MERTK: variants seen among roughly 807,000 people sequenced by gnomAD.
MERTK encodes the protein MER proto-oncogene, tyrosine kinase.
MERTK carries 69 observed loss-of-function variants against 99.3 expected under a neutral mutation model. The ratio of observed to expected loss-of-function variants is 0.70; its 90% CI spans 0.57 to 0.85. The LOEUF (loss-of-function observed/expected upper bound fraction) is 0.85, where lower values mean the gene tolerates loss of function less well. Among genes scored for constraint, MERTK ranks in the 40% least tolerant of loss-of-function variants. The pLI is 0.00. For missense variants in MERTK, 1,125 were observed against 1,249.4 expected, an observed-to-expected ratio of 0.90 and a Z score of 1.50; for synonymous variants, 426 against 467.6, an observed-to-expected ratio of 0.91 and a Z score of 1.15.
chr2:112,003,012 G>A (rs1377445079), intron 11 of MERTK, 80 bp from the exon 12 acceptor site: 1 of 755,626 alleles, frequency 1.3e-6, no homozygotes, highest in Admixed American at 1.8e-5. Context: ...TTATTATACA[G>A]GACTTTATTT....
intron 18 of MERTK, 139 bp downstream of exon 18, chr2:112,022,533 A>T: frequency 1.6e-6 from 2 of 1,269,896 alleles, no homozygotes; most frequent in Non-Finnish European, 2.3e-6. Context: ...GGTGGAACCC[A>T]CAGACACCCC....
chr2:112,020,964 C>T (rs1173812299), intron 16 of MERTK, among the ~76,000 whole-genome samples: 2 of 150,352 alleles, frequency 1.3e-5, no homozygotes, highest in East Asian at 2.0e-4. Context: ...AATGCCAAGG[C>T]GGGCAGATCA....
chr2:111,994,359 G>T lies in MERTK; in HGVS notation c.1405G>T (p.Val469Phe), dbSNP rs79943145. ...GATTGCAGCCGTCACCAGAGGGGGA[G>T]TTGGGCCCTTCAGTGATCCAGTGAA... ...VRIAAVTRGG[V>F]GPFSDPVKIF... The change falls in exon 9 of 19, where the codon GTT (valine) becomes TTT (phenylalanine). Residue 469 changes from valine to phenylalanine, a missense_variant. By Grantham distance (50) the Val-to-Phe change is conservative. Coordinates refer to ENST00000295408, the MANE Select transcript of MERTK (RefSeq NM_006343.3). The T allele has an allele frequency of 4.5e-5, 72 of 1,614,200 alleles. No individual in the cohort carries two copies. In the East Asian group the frequency reaches 1.6e-3, roughly 35 times the overall value.
intron 4 of MERTK, among the ~76,000 whole-genome samples, chr2:111,954,206 C>A (rs1380120796): frequency 6.6e-6 from 1 of 152,238 alleles, no homozygotes; most frequent in Non-Finnish European, 1.5e-5. Context: ...GCCTGCCTCA[C>A]CTGCAAAGGC....
At chr2:111,938,448 T>TC (rs765280621) in intron 2 of MERTK, among the ~76,000 whole-genome samples, 138 of 152,338 alleles carry the variant, frequency 9.1e-4, no homozygotes, top group South Asian at 3.9e-3. Flanking sequence ...TGTATTTCTT[T>TC]TAAAAAGACT....
At chr2:112,025,994 C>T (rs1677453289) in intron 18 of MERTK, among the ~76,000 whole-genome samples, 1 of 152,230 alleles carries the variant, frequency 6.6e-6, no homozygotes, top group Non-Finnish European at 1.5e-5. Flanking sequence ...TATATGATCA[C>T]ATCTTTTATA....
At position 111,982,885 on chromosome 2, in the gene MERTK, A is replaced by G. The variant is rs1237438827; in HGVS notation, c.1188A>G (p.Glu396=). 6.2e-7 allele frequency: 1 copy of G among 1,614,014 alleles called. No homozygotes were observed. The highest frequency in any genetic ancestry group is 8.5e-7 in the Non-Finnish European group (1 of 1,180,036). The part of the protein sequence containing the change: ...APLNVTVFLN[E]SSDNVDIRWM... ...TAAATGTCACTGTGTTTCTGAATGAATCTAGTGATAATGTGGACATCAGAT... is the reference window on the plus strand; with the variant it reads ...TAAATGTCACTGTGTTTCTGAATGAGTCTAGTGATAATGTGGACATCAGAT... Residue 396 remains glutamate (E), a synonymous_variant, in exon 8 of 19, where the codon GAA becomes GAG. Coordinates refer to ENST00000295408, the MANE Select transcript of MERTK (RefSeq NM_006343.3).
At chr2:111,985,362 G>A (rs1012761425) in intron 8 of MERTK, among the ~76,000 whole-genome samples, 1 of 152,076 alleles carries the variant, frequency 6.6e-6, no homozygotes, top group Non-Finnish European at 1.5e-5. Context: ...GAAGAGAGTG[G>A]GGTATTGCTG....
At chr2:111,992,960 G>A (rs1202239538) in intron 8 of MERTK, among the ~76,000 whole-genome samples, 2 of 152,052 alleles carry the variant, frequency 1.3e-5, no homozygotes, top group African/African-American at 2.4e-5. Flanking sequence ...CTTGGGGGCT[G>A]AGCCCACACC....
chr2:112,002,193 C>T (rs990331757), intron 11 of MERTK, among the ~76,000 whole-genome samples: 19 of 151,984 alleles, frequency 1.3e-4, no homozygotes, highest in African/African-American at 4.6e-4. Flanking sequence ...CAACATGACT[C>T]ATCTATTATA....
chr2:111,899,400 G>T (rs570799645), intron 1 of MERTK, among the ~76,000 whole-genome samples: 2 of 152,260 alleles, frequency 1.3e-5, no homozygotes, highest in African/African-American at 4.8e-5. Context: ...CTTTTTAGGG[G>T]CACCCAGAGA....
rs1676682541 is a variant in MERTK at position 111,993,941 on chromosome 2, G to A, written c.1297-310G>A. ...GAGGATCGAGGGCTTGAGGAGTCAG[G>A]CTTGCTCTGCCGTCCGGGTGCATCT... On this transcript the variant is annotated intron_variant, in intron 8 of 18. Transcript: ENST00000295408. Among the ~76,000 whole-genome samples, 3 of 152,170 alleles carry A rather than the reference G, an allele frequency of 2.0e-5. No homozygotes were observed. In the South Asian group the frequency reaches 6.2e-4, roughly 31 times the overall value.
At chr2:111,996,430 C>T (rs1676741071) in intron 9 of MERTK, 1 of 154,078 alleles carries the variant, frequency 6.5e-6, no homozygotes, top group Non-Finnish European at 1.5e-5. Flanking sequence ...CTTGCGGAGA[C>T]ATGTGGCTGT....
chr2:112,027,034 A>G (rs1371128295), intron 18 of MERTK, among the ~76,000 whole-genome samples: 1 of 152,126 alleles, frequency 6.6e-6, no homozygotes, highest in Non-Finnish European at 1.5e-5. Context: ...TGTACCTGTA[A>G]TTCCAGCTAC....
rs571863375 is a variant in MERTK at position 111,899,012 on chromosome 2, C to T, written c.61+216C>T. 5.9e-4 allele frequency among the ~76,000 whole-genome samples: 90 copies of T among 152,328 alleles called. 1 individual carries two copies. The Middle Eastern group carries it at 0.01, about 17-fold the overall frequency. ...AGCGTCCCGAGGGCACCCAGCCTGG[C>T]TTGCGGGTGCGCATCGTGGTGAAGC... On this transcript the variant is annotated intron_variant, in intron 1 of 18. Coordinates refer to ENST00000295408, the MANE Select transcript of MERTK (RefSeq NM_006343.3).
At chr2:112,010,406 A>G (rs1320044234) in intron 15 of MERTK, 2 of 279,142 alleles carry the variant, frequency 7.2e-6, no homozygotes, top group Non-Finnish European at 1.4e-5. Flanking sequence ...TGGGAAGGCC[A>G]TTGAAGGTGG....
Position 111,968,121 on chromosome 2 carries a change from G to A in MERTK, c.845-16G>A, listed in dbSNP as rs1487278905. The A allele has an allele frequency of 3.9e-6, 6 of 1,557,936 alleles. No homozygotes were observed. Among genetic ancestry groups the A allele is most frequent in the Non-Finnish European group, 5.3e-6 (6 of 1,129,156 alleles). On this transcript the variant is annotated splice_polypyrimidine_tract_variant and intron_variant, in intron 5 of 18. Coordinates refer to ENST00000295408, the MANE Select transcript of MERTK (RefSeq NM_006343.3). ...TTTGTGTGTGTATGTGTGTGTGTGT[G>A]TTTTGTTTTATGCAGCAATTCCCTC...
rs570122875 is a variant in MERTK, at chr2:112,019,381, T to TA, written c.2080-31dup. The TA allele has an allele frequency of 2.3e-4, 357 of 1,534,986 alleles. 6 individuals are homozygous for TA. The South Asian group carries it at 3.7e-3, about 16-fold the overall frequency. On this transcript the variant is annotated intron_variant, in intron 15 of 18. Transcript: ENST00000295408. ...CTTGCAAGTTTTCCTTTTTAAAAGA[T>TA]AGTCTTTCTTCTTGTTTCCTCTATC...
At chr2:111,913,039 G>C (rs1388488917) in intron 1 of MERTK, 1 of 985,266 alleles carries the variant, frequency 1.0e-6, no homozygotes, top group Non-Finnish European at 1.2e-6. Context: ...TAGGTAAAAG[G>C]CCTGGCGAAA....
Sources: gnomAD v4.1 joint callset for allele counts (sites outside exome capture counted in the v4.1 genomes callset) on GRCh38, gnomAD v4.1.1 for gene constraint, MANE v1.5 for transcripts, NCBI Gene and HGNC (gene_info 2026-07-23, HGNC 2026-07-21) for gene names.